Variants in MMP16 observed in about 807,000 individuals in gnomAD.
MMP16 encodes the protein matrix metalloproteinase-16.
Under a neutral mutation model 67.8 loss-of-function variants are expected in MMP16, and 12 were observed. The observed-to-expected ratio is 0.18, with a 90% CI of 0.11 to 0.29. MMP16 has a LOEUF of 0.29. Ranked by LOEUF, MMP16 falls within the 10% of genes least tolerant of loss-of-function variation. The pLI is 1.00. For synonymous variants in MMP16, 249 were observed against 255.9 expected, an observed-to-expected ratio of 0.97 and a Z score of 0.26; for missense variants, 475 against 765.7, an observed-to-expected ratio of 0.62 and a Z score of 4.48.
intron 1 of MMP16, among the ~76,000 whole-genome samples, chr8:88,319,512 A>T (rs1339973269): frequency 6.6e-6 from 1 of 152,098 alleles, no homozygotes; most frequent in African/African-American, 2.4e-5. Flanking sequence ...ATGAATGCAC[A>T]GACATTAGAA....
At chr8:88,167,481 A>G (rs1005944374) in intron 4 of MMP16, among the ~76,000 whole-genome samples, 188 bp downstream of exon 4, 5 of 152,194 alleles carry the variant, frequency 3.3e-5, no homozygotes, top group Non-Finnish European at 5.9e-5. Context: ...GAACACATAT[A>G]TAACTATATT....
At chr8:88,070,102 T>C (rs1468809575) in intron 7 of MMP16, among the ~76,000 whole-genome samples, 1 of 152,164 alleles carries the variant, frequency 6.6e-6, no homozygotes. Context: ...ATATTTTTAT[T>C]TATTTCACTA....
At chr8:88,108,176 G>T (rs1045883458) in intron 6 of MMP16, among the ~76,000 whole-genome samples, 1 of 151,186 alleles carries the variant, frequency 6.6e-6, no homozygotes, top group African/African-American at 2.4e-5. Flanking sequence ...ATTCCTGAAT[G>T]CCAGGTGAAA....
At chr8:88,114,921 G>A (rs1243172153) in intron 6 of MMP16, among the ~76,000 whole-genome samples, 2 of 151,796 alleles carry the variant, frequency 1.3e-5, no homozygotes, top group East Asian at 3.9e-4. Flanking sequence ...CTGATTTCAG[G>A]AACCAGTGAT....
chr8:88,212,448 T>C (rs547857435), intron 1 of MMP16, among the ~76,000 whole-genome samples: 1 of 152,240 alleles, frequency 6.6e-6, no homozygotes, highest in Non-Finnish European at 1.5e-5. Flanking sequence ...AAAAATTATA[T>C]ATCTGTCCAT....
intron 1 of MMP16, among the ~76,000 whole-genome samples, chr8:88,267,770 A>G (rs1810497336): frequency 6.6e-6 from 1 of 152,230 alleles, no homozygotes; most frequent in Non-Finnish European, 1.5e-5. Flanking sequence ...GAGTATTCTC[A>G]TAATTGTTTA....
chr8:88,050,143 G>A (rs1467463748), intron 8 of MMP16, among the ~76,000 whole-genome samples: 5 of 152,158 alleles, frequency 3.3e-5, no homozygotes, highest in African/African-American at 9.7e-5. Flanking sequence ...CCAACATGGC[G>A]AAACTCCGTC....
At chr8:88,065,661 T>C (rs186319992) in intron 7 of MMP16, among the ~76,000 whole-genome samples, 1 of 152,248 alleles carries the variant, frequency 6.6e-6, no homozygotes, top group East Asian at 1.9e-4. Context: ...TGTACTCACC[T>C]ATTTATAGAA....
chr8:88,177,085 T>A (rs553101312), intron 3 of MMP16, among the ~76,000 whole-genome samples: 1 of 152,330 alleles, frequency 6.6e-6, no homozygotes, highest in South Asian at 2.1e-4. Flanking sequence ...ATTTTCTCCA[T>A]AAAAGGTTTA....
At chr8:88,185,490 A>G (rs552886173) in intron 3 of MMP16, among the ~76,000 whole-genome samples, 28 of 152,286 alleles carry the variant, frequency 1.8e-4, no homozygotes, top group African/African-American at 6.7e-4. Context: ...TTCAAGTGAC[A>G]TGTTCCAGTT....
intron 1 of MMP16, among the ~76,000 whole-genome samples, chr8:88,251,384 C>A (rs1291452214): frequency 1.3e-5 from 2 of 150,194 alleles, no homozygotes; most frequent in African/African-American, 2.5e-5. Context: ...GAAAAACAAG[C>A]AATGGGGAAA....
At chr8:88,143,125 T>C (rs922786220) in intron 4 of MMP16, among the ~76,000 whole-genome samples, 2 of 152,116 alleles carry the variant, frequency 1.3e-5, no homozygotes, top group African/African-American at 4.8e-5. Context: ...TTGTCTTGAA[T>C]TTAAAATATC....
chr8:88,095,722 C>T (rs1255503828), intron 6 of MMP16, among the ~76,000 whole-genome samples: 1 of 151,886 alleles, frequency 6.6e-6, no homozygotes, highest in Non-Finnish European at 1.5e-5. Flanking sequence ...GAGCCTTTGA[C>T]AATGTAAGAG....
chr8:88,097,930 C>T (rs899507713), intron 6 of MMP16, among the ~76,000 whole-genome samples: 59 of 151,844 alleles, frequency 3.9e-4, no homozygotes, highest in Admixed American at 2.0e-3. Flanking sequence ...GGGCACACTA[C>T]TCCAGATTGC....
At chr8:88,122,918 C>G (rs758557239) in intron 4 of MMP16, among the ~76,000 whole-genome samples, 2 of 151,516 alleles carry the variant, frequency 1.3e-5, no homozygotes, top group African/African-American at 2.4e-5. Context: ...TCCCCCCACC[C>G]CTGCCTCCTC....
At position 88,116,708 on chromosome 8, in the gene MMP16, G is replaced by T. The variant is rs909696654; in HGVS notation, c.882C>A (p.Asp294Glu). 3.7e-6 allele frequency: 6 copies of T among 1,613,308 alleles called. No individual in the cohort carries two copies. Among genetic ancestry groups the T allele is most frequent in the Non-Finnish European group, 5.1e-6 (6 of 1,179,670 alleles). Residue 294 changes from aspartate (D) to glutamate (E), a missense_variant, in exon 6 of 10, where the codon GAC (aspartate) becomes GAA (glutamate). By Grantham distance (45) the Asp-to-Glu change is conservative. Around this residue, in one of 5 missense-constraint regions of MMP16, gnomAD observed 195 missense variants for 300.9 expected, o/e 0.65. Coordinates refer to ENST00000286614, the MANE Select transcript of MMP16 (RefSeq NM_005941.5). ...GAGGTCTTGTAGGTGGAGGAATCTT[G>T]TCAGGTGGACCTTTTGAAAATATGA... is the stretch of plus-strand genomic sequence containing the variant. ...QGIQKIYGPP[D>E]KIPPPTRPLP...
rs1808136013 is a variant in MMP16, at chr8:88,041,803, G to C, written c.1490-8C>G. ...TGTAGAAATACGTAAAGCCTAGGGG[G>C]AAAAACATACACACACACAGGTACC... is the stretch of plus-strand genomic sequence containing the variant. On this transcript the variant is annotated splice_polypyrimidine_tract_variant and splice_region_variant and intron_variant, in intron 9 of 9. Transcript: ENST00000286614. The surrounding 1 kb of genome is among the most constrained non-coding windows in gnomAD (Gnocchi z 6.0). 3 of 1,586,338 alleles carry C rather than the reference G, an allele frequency of 1.9e-6. No homozygotes were observed. Among genetic ancestry groups the C allele is most frequent in the African/African-American group, 2.7e-5 (2 of 74,398 alleles).
rs1424436642 is a variant in MMP16, at chr8:88,032,684, T to G, written c.*8777A>C. The G allele has an allele frequency of 1.4e-5, 2 of 145,056 alleles. No homozygotes were observed. Among genetic ancestry groups the G allele is most frequent in the Non-Finnish European group, 3.0e-5 (2 of 66,408 alleles). 9.0% of individuals were successfully genotyped at this position (145,056 alleles called of 1,614,324 possible). A position where few individuals can be genotyped will look rare whatever the true frequency, so the allele number is the denominator to read the frequency against. ...TATATTTGCACACAAACAAGCTTTG[T>G]GTTTGTCAGTAGAAGCTATCTGAAA... On this transcript the variant is annotated 3_prime_UTR_variant, in exon 10 of 10. Coordinates refer to ENST00000286614, the MANE Select transcript of MMP16 (RefSeq NM_005941.5).
rs1811547637 is a variant in MMP16 at position 88,326,879 on chromosome 8, G to A, written c.132+196C>T. Reference sequence around the variant, plus strand: ...GCAGCATCGTGCTTTGTGCTGCCGGGGATAACGGATTCTGGGTCTCACACG... The same window carrying A: ...GCAGCATCGTGCTTTGTGCTGCCGGAGATAACGGATTCTGGGTCTCACACG... On this transcript the variant is annotated intron_variant, in intron 1 of 9. Transcript: ENST00000286614. 4 of 562,750 alleles carry A rather than the reference G, an allele frequency of 7.1e-6. No homozygotes were observed. The South Asian group carries it at 8.4e-5, about 12-fold the overall frequency. 34.9% of individuals were successfully genotyped at this position (562,750 alleles called of 1,614,324 possible).
Sources: gnomAD v4.1 joint callset for allele counts (sites outside exome capture counted in the v4.1 genomes callset) on GRCh38, gnomAD v4.1.1 for gene constraint, gnomAD v4.1.1 regional missense constraint, Gnocchi (gnomAD v3.1) non-coding constraint, MANE v1.5 for transcripts, NCBI Gene and HGNC (gene_info 2026-07-23, HGNC 2026-07-21) for gene names.